The following SYNPR variants were observed in gnomAD, a reference collection of about 807,000 sequenced individuals.
The protein encoded by SYNPR is synaptoporin.
Under a neutral mutation model 32.9 loss-of-function variants are expected in SYNPR, and 23 were observed. The ratio of observed to expected loss-of-function variants is 0.70; its 90% confidence interval spans 0.50 to 0.99. The LOEUF (loss-of-function observed/expected upper bound fraction) is 0.99. Among genes scored for constraint, SYNPR ranks in the 50% least tolerant of loss-of-function variants. The probability of loss-of-function intolerance (pLI) is 0.00; values close to 1 mark genes in which losing one functional copy is unlikely to be tolerated. For synonymous variants in SYNPR, 146 were observed against 135.9 expected (o/e 1.07, Z -0.52); for missense variants, 318 against 349.3 (o/e 0.91, Z 0.71).
intron 2 of SYNPR, among the ~76,000 whole-genome samples, chr3:63,447,801 G>C (rs1232929355): frequency 6.6e-6 from 1 of 151,612 alleles, no homozygotes; most frequent in African/African-American, 2.4e-5. Context: ...ATTGTTCAGG[G>C]GCAACTCCAA....
At chr3:63,279,828 G>A (rs2086611782) in intron 2 of SYNPR, among the ~76,000 whole-genome samples, 2 of 152,186 alleles carry the variant, frequency 1.3e-5, no homozygotes, top group South Asian at 4.1e-4. Flanking sequence ...CATTTACCTT[G>A]TTTGTAGACT....
At chr3:63,594,900 C>G (rs1349499391) in intron 4 of SYNPR, among the ~76,000 whole-genome samples, 6 of 152,128 alleles carry the variant, frequency 3.9e-5, no homozygotes, top group African/African-American at 1.4e-4. Context: ...GCAGCCTGGT[C>G]TTCTGTCCCT....
intron 2 of SYNPR, among the ~76,000 whole-genome samples, chr3:63,398,565 A>G (rs1372594013): frequency 2.6e-5 from 4 of 151,904 alleles, no homozygotes; most frequent in African/African-American, 9.7e-5. Context: ...AAAAAAAAAA[A>G]AAATTAGCCG....
chr3:63,368,025 A>G (rs1389175684), intron 2 of SYNPR, among the ~76,000 whole-genome samples: 1 of 152,216 alleles, frequency 6.6e-6, no homozygotes, highest in Non-Finnish European at 1.5e-5. Context: ...CAGTGTGATA[A>G]AAACTGATGT....
At chr3:63,442,669 G>T (rs1362217304) in intron 2 of SYNPR, among the ~76,000 whole-genome samples, 6 of 152,150 alleles carry the variant, frequency 3.9e-5, no homozygotes, top group Non-Finnish European at 8.8e-5. Context: ...TTGAGGTTTT[G>T]CAGGAGACGT....
Position 63,288,594 on chromosome 3 carries a change from G to A in SYNPR, c.84+9852G>A, listed in dbSNP as rs1423665393. Among the ~76,000 whole-genome samples the A allele has an allele frequency of 2.0e-5, 3 of 152,194 alleles. No homozygotes were observed. The East Asian group carries it at 5.8e-4, about 29-fold the overall frequency. Reference sequence around the variant, plus strand: ...CCATTTGTTGAAAACCTCTTTTTAAGAGAAATGATTAGGTTTTGCCTAATG... The same window carrying A: ...CCATTTGTTGAAAACCTCTTTTTAAAAGAAATGATTAGGTTTTGCCTAATG... On this transcript the variant is annotated intron_variant, in intron 2 of 5. Transcript: ENST00000478300.
In SYNPR at chr3:63,332,956, A is replaced by C. The variant is rs546280017; in HGVS notation, c.84+54214A>C. 3.9e-5 allele frequency among the ~76,000 whole-genome samples: 6 copies of C among 152,180 alleles called. No individual in the cohort carries two copies. In the East Asian group the frequency reaches 1.2e-3, roughly 30 times the overall value. On this transcript the variant is annotated intron_variant, in intron 2 of 5. Coordinates refer to ENST00000478300, the MANE Select transcript of SYNPR (RefSeq NM_001130003.2). Reference sequence around the variant, plus strand: ...CTCTGCTCATAGATATCAGTAATACATCCCCCTGCCCCATCTCCGCCACCA... The same window carrying C: ...CTCTGCTCATAGATATCAGTAATACCTCCCCCTGCCCCATCTCCGCCACCA...
intron 2 of SYNPR, among the ~76,000 whole-genome samples, chr3:63,479,198 T>A (rs1458986059): frequency 6.6e-6 from 1 of 152,198 alleles, no homozygotes; most frequent in Non-Finnish European, 1.5e-5. Flanking sequence ...CCAGACAGAT[T>A]TGGCTAGGGA....
chr3:63,337,653 G>A (rs1461654718), intron 2 of SYNPR, among the ~76,000 whole-genome samples: 2 of 152,194 alleles, frequency 1.3e-5, no homozygotes, highest in African/African-American at 2.4e-5. Context: ...ACTGTGGTAC[G>A]TCCGTACAAT....
At chr3:63,416,835 A>G (rs2088548570) in intron 2 of SYNPR, among the ~76,000 whole-genome samples, 1 of 152,144 alleles carries the variant, frequency 6.6e-6, no homozygotes, top group Admixed American at 6.5e-5. Flanking sequence ...AGAACAGCAC[A>G]GGAAAAACCT....
At chr3:63,592,130 G>C (rs1699844562) in intron 4 of SYNPR, among the ~76,000 whole-genome samples, 1 of 152,038 alleles carries the variant, frequency 6.6e-6, no homozygotes, top group African/African-American at 2.4e-5. Context: ...AAGACCAGCA[G>C]AGACTGGAGC....
chr3:63,339,224 C>T lies in SYNPR; in HGVS notation c.84+60482C>T, dbSNP rs73108918. The stretch of plus-strand genomic sequence containing the variant: ...TTATTAAACACATTTTTAGTGAGCA[C>T]CTACTATGTCCCAGGCACAAGTAGT... On this transcript the variant is annotated intron_variant, in intron 2 of 5. Transcript: ENST00000478300. Among the ~76,000 whole-genome samples, 430 of 152,290 alleles carry T rather than the reference C, an allele frequency of 2.8e-3. 1 individual carries two copies. The highest frequency in any genetic ancestry group is 4.3e-3 in the Non-Finnish European group (291 of 68,016).
intron 2 of SYNPR, among the ~76,000 whole-genome samples, chr3:63,347,706 C>T (rs1488672354): frequency 2.0e-5 from 3 of 152,044 alleles, no homozygotes; most frequent in Admixed American, 6.6e-5. Context: ...ATATAGTTTC[C>T]AATTACAAGT....
At chr3:63,348,201 G>A (rs1321212591) in intron 2 of SYNPR, among the ~76,000 whole-genome samples, 3 of 151,870 alleles carry the variant, frequency 2.0e-5, no homozygotes, top group Non-Finnish European at 2.9e-5. Flanking sequence ...TTATTTTATT[G>A]ACTTTTTAAT....
At chr3:63,210,588 A>G in the SYNPR span, among the ~76,000 whole-genome samples, 2 of 152,182 alleles carry the variant, frequency 1.3e-5, no homozygotes, top group Non-Finnish European at 2.9e-5. Flanking sequence ...TATTCTCACA[A>G]TCACCACTCC....
rs137876287 is a variant in SYNPR at position 63,429,904 on chromosome 3, TC to T, written c.85-50927del. 1.4e-3 allele frequency among the ~76,000 whole-genome samples: 211 copies of T among 152,370 alleles called. 3 individuals carry two copies. The East Asian group carries it at 0.033, about 24-fold the overall frequency. The stretch of plus-strand genomic sequence containing the variant: ...TTACTTGGCTTCTTCTAATATGCTG[TC>T]AACTTAGAAAAACCAACCTTATTAG... On this transcript the variant is annotated intron_variant, in intron 2 of 5. Coordinates refer to ENST00000478300, the MANE Select transcript of SYNPR (RefSeq NM_001130003.2).
the SYNPR span, among the ~76,000 whole-genome samples, chr3:63,222,152 A>T: frequency 6.6e-6 from 1 of 151,464 alleles, no homozygotes; most frequent in African/African-American, 2.4e-5. Flanking sequence ...TTCCTGATAG[A>T]ATAGAATTGA....
chr3:63,230,274 CCT>C (rs1407639992), intron 1 of SYNPR, among the ~76,000 whole-genome samples: 4 of 152,066 alleles, frequency 2.6e-5, no homozygotes, highest in Non-Finnish European at 4.4e-5. Flanking sequence ...AGGTCCTGGT[CCT>C]TTTTAGATAT....
intron 2 of SYNPR, among the ~76,000 whole-genome samples, chr3:63,405,504 T>G (rs2088348312): frequency 6.6e-6 from 1 of 152,106 alleles, no homozygotes; most frequent in Non-Finnish European, 1.5e-5. Flanking sequence ...GGCCTTGTTT[T>G]GTGTTGAGGC....
Sources: gnomAD v4.1 joint callset for allele counts (sites outside exome capture counted in the v4.1 genomes callset) on GRCh38, gnomAD v4.1.1 for gene constraint, MANE v1.5 for transcripts, NCBI Gene and HGNC (gene_info 2026-07-23, HGNC 2026-07-21) for gene names.